EVL: variants seen among roughly 807,000 people sequenced by gnomAD.
The protein encoded by EVL is ena/VASP-like protein.
A neutral mutation model predicts 59.6 loss-of-function variants in EVL; 21 were observed. The ratio of observed to expected loss-of-function variants is 0.35; its 90% CI spans 0.25 to 0.51. The LOEUF (loss-of-function observed/expected upper bound fraction) is 0.51, where lower values mean the gene tolerates loss of function less well. Ranked by LOEUF, EVL falls within the 20% of genes least tolerant of loss-of-function variation. The probability of loss-of-function intolerance (pLI) is 0.97; values close to 1 mark genes in which losing one functional copy is unlikely to be tolerated. For missense variants in EVL, 462 were observed against 546.6 expected, an observed-to-expected ratio of 0.85 and a Z score of 1.54; for synonymous variants, 198 against 203.5, an observed-to-expected ratio of 0.97 and a Z score of 0.23.
At chr14:100,059,867 C>A (rs767742113) in intron 1 of EVL, among the ~76,000 whole-genome samples, 69 of 152,274 alleles carry the variant, frequency 4.5e-4, no homozygotes, top group Admixed American at 9.8e-4. Flanking sequence ...GACTTCACAT[C>A]TTTAAAGAAA....
intron 1 of EVL, among the ~76,000 whole-genome samples, chr14:100,015,714 G>A (rs1339538880): frequency 6.6e-6 from 1 of 152,160 alleles, no homozygotes; most frequent in East Asian, 1.9e-4. Flanking sequence ...TCTTCAGCTG[G>A]AACTATTCTA....
chr14:100,078,518 G>A (rs2062215696), intron 1 of EVL, among the ~76,000 whole-genome samples: 1 of 149,380 alleles, frequency 6.7e-6, no homozygotes, highest in South Asian at 2.2e-4. Context: ...GCTTATTTAA[G>A]TGTATTCTCA....
intron 1 of EVL, chr14:99,975,040 G>C (rs2060760829): frequency 6.8e-6 from 1 of 147,010 alleles, no homozygotes; most frequent in Non-Finnish European, 1.5e-5. Context: ...CTTGGCCTTG[G>C]CCTTGCCACC....
chr14:100,028,092 A>G (rs908863573), intron 1 of EVL, among the ~76,000 whole-genome samples: 2 of 149,388 alleles, frequency 1.3e-5, no homozygotes, highest in Non-Finnish European at 3.0e-5. Flanking sequence ...AGATTTCTGG[A>G]TCATATGGTA....
chr14:100,141,894 A>G (rs1211080403), intron 13 of EVL, 101 bp downstream of exon 13: 2 of 971,628 alleles, frequency 2.1e-6, no homozygotes, highest in Admixed American at 2.4e-5. Flanking sequence ...GCTGGAGCCC[A>G]TACTGCACTG....
chr14:100,137,448 A>C, intron 9 of EVL, 130 bp from the exon 10 acceptor site: 1 of 966,350 alleles, frequency 1.0e-6, no homozygotes, highest in Non-Finnish European at 1.6e-6. Context: ...TAACTCAATC[A>C]GACCTTCCTG....
intron 1 of EVL, 102 bp downstream of exon 1, chr14:100,065,613 TAC>T: frequency 1.6e-6 from 1 of 617,684 alleles, no homozygotes; most frequent in Non-Finnish European, 2.5e-6. Flanking sequence ...CCCCTTAGTA[TAC>T]TGATCGAGAA....
chr14:99,991,602 A>G (rs181063391), intron 1 of EVL, among the ~76,000 whole-genome samples: 3 of 152,326 alleles, frequency 2.0e-5, no homozygotes, highest in Admixed American at 1.3e-4. Context: ...AATGCTATAA[A>G]TAGAATGATG....
At chr14:100,010,258 T>A (rs2061007873) in intron 1 of EVL, among the ~76,000 whole-genome samples, 1 of 152,170 alleles carries the variant, frequency 6.6e-6, no homozygotes, top group Admixed American at 6.5e-5. Flanking sequence ...GGAAAGTAAG[T>A]CACGATATAC....
intron 2 of EVL, among the ~76,000 whole-genome samples, chr14:100,089,084 A>C (rs2062508661): frequency 1.3e-5 from 2 of 152,232 alleles, no homozygotes; most frequent in Admixed American, 6.5e-5. Flanking sequence ...GGGCAATTGA[A>C]AAAGAAGTCA....
At position 100,104,902 on chromosome 14, in the gene EVL, CTTTTTTTTTTTTTT is replaced by C. The variant is rs568203851; in HGVS notation, c.358+7257_358+7270del. On this transcript the variant is annotated intron_variant, in intron 3 of 13. Transcript: ENST00000392920. ...TATAATCCAGTTTCTCCTCTCTTTA[CTTTTTTTTTTTTTT>C]TTTTTTTTTTTTAACTTTTGGAGCT... 3.0e-5 allele frequency among the ~76,000 whole-genome samples: 3 copies of C among 99,512 alleles called. No individual in the cohort carries two copies. In the South Asian group the frequency reaches 1.1e-3, roughly 37 times the overall value. 65.3% of individuals were successfully genotyped at this position (99,512 alleles called of 152,430 possible). A position where few individuals can be genotyped will look rare whatever the true frequency, so the allele number is the denominator to read the frequency against.
chr14:100,135,755 C>T (rs891031610), intron 8 of EVL, 150 bp from the exon 9 acceptor site: 1 of 747,248 alleles, frequency 1.3e-6, no homozygotes, highest in Non-Finnish European at 2.2e-6. Flanking sequence ...TGCGTTTTCA[C>T]TTTTAAATAT....
At chr14:100,101,129 G>T (rs1046134526) in intron 3 of EVL, among the ~76,000 whole-genome samples, 1 of 152,188 alleles carries the variant, frequency 6.6e-6, no homozygotes, top group African/African-American at 2.4e-5. Context: ...GGAGGCCGAG[G>T]TGGGCAGATC....
At chr14:99,987,822 G>A (rs1442866957) in intron 1 of EVL, among the ~76,000 whole-genome samples, 1 of 149,110 alleles carries the variant, frequency 6.7e-6, no homozygotes, top group Non-Finnish European at 1.5e-5. Context: ...AATAAATATT[G>A]TTTATAAGCC....
chr14:100,085,301 A>C (rs2062415699), intron 2 of EVL, among the ~76,000 whole-genome samples: 1 of 152,248 alleles, frequency 6.6e-6, no homozygotes, highest in Non-Finnish European at 1.5e-5. Context: ...TAATAGTTCA[A>C]CCTAGGCAAA....
At chr14:99,974,358 C>T (rs1461084209) in intron 1 of EVL, 1 of 152,402 alleles carries the variant, frequency 6.6e-6, no homozygotes, top group African/African-American at 2.4e-5. Flanking sequence ...AGCCTGGGTT[C>T]TCTGCAGTGG....
intron 3 of EVL, among the ~76,000 whole-genome samples, chr14:100,122,253 T>C (rs573596517): frequency 1.3e-5 from 2 of 152,304 alleles, no homozygotes; most frequent in South Asian, 4.1e-4. Context: ...GACACCACTG[T>C]CTGATTGAGT....
upstream of EVL, chr14:100,065,170 C>T (rs565182566): frequency 5.7e-4 from 99 of 172,742 alleles, no homozygotes; most frequent in African/African-American, 2.2e-3. Flanking sequence ...GCAGGCTTCA[C>T]CCACCCTTGC....
At chr14:100,063,886 A>G (rs2061880770), upstream of EVL, among the ~76,000 whole-genome samples, 3 of 152,242 alleles carry the variant, frequency 2.0e-5, no homozygotes. Context: ...CACACCAAAT[A>G]TGTTCTCTGG....
Sources: allele counts gnomAD v4.1 joint callset (sites outside exome capture counted in the v4.1 genomes callset), GRCh38; gene constraint gnomAD v4.1.1; transcripts MANE v1.5; gene names NCBI Gene and HGNC (gene_info 2026-07-23, HGNC 2026-07-21).